RHBDL3: variants seen among roughly 807,000 people sequenced by gnomAD.
RHBDL3 encodes the protein rhomboid like 3.
RHBDL3 carries 28 observed loss-of-function variants against 48.2 expected under a neutral mutation model. The observed-to-expected ratio is 0.58, with a 90% confidence interval of 0.43 to 0.80. RHBDL3 has a LOEUF of 0.80. RHBDL3 is among the 30% of genes least tolerant of loss of function. The pLI is 0.00. For synonymous variants in RHBDL3, 208 were observed against 232.3 expected (o/e 0.90, Z 0.95); for missense variants, 464 against 542.7 (o/e 0.85, Z 1.44).
chr17:32,301,592 G>A lies in RHBDL3; in HGVS notation c.781+3388G>A, dbSNP rs372218328. On this transcript the variant is annotated intron_variant, in intron 6 of 8. Coordinates refer to ENST00000269051, the MANE Select transcript of RHBDL3 (RefSeq NM_138328.3). Reference sequence around the variant, plus strand: ...TCCCAGCACTTTGGGAGGCCGAGGCGAGCAGATCACATGAGATGGGGAGTT... The same window carrying A: ...TCCCAGCACTTTGGGAGGCCGAGGCAAGCAGATCACATGAGATGGGGAGTT... 7.9e-5 allele frequency among the ~76,000 whole-genome samples: 12 copies of A among 152,108 alleles called. No homozygotes were observed. In the East Asian group the frequency reaches 9.7e-4, roughly 12 times the overall value.
intron 8 of RHBDL3, among the ~76,000 whole-genome samples, chr17:32,318,238 A>G (rs796745251): frequency 3.3e-5 from 5 of 151,636 alleles, no homozygotes; most frequent in South Asian, 2.1e-4. Flanking sequence ...GCTTATGCCT[A>G]TAGTCCTAGC....
chr17:32,311,466 C>A (rs4795695), intron 7 of RHBDL3, among the ~76,000 whole-genome samples: 85,260 of 152,074 alleles, frequency 0.56, 24,738 homozygotes, highest in Non-Finnish European at 0.61. Flanking sequence ...GACAGACGGC[C>A]CAGGCACATG....
At chr17:32,306,541 T>G (rs1232108696) in intron 7 of RHBDL3, among the ~76,000 whole-genome samples, 1 of 152,230 alleles carries the variant, frequency 6.6e-6, no homozygotes, top group East Asian at 1.9e-4. Flanking sequence ...ACATGGTCTT[T>G]GGAGCCAGTC....
chr17:32,275,572 C>T (rs2039878555), intron 2 of RHBDL3, among the ~76,000 whole-genome samples: 1 of 152,156 alleles, frequency 6.6e-6, no homozygotes, highest in Admixed American at 6.5e-5. Flanking sequence ...GTTTCTTTCC[C>T]TCACTTCCCA....
intron 2 of RHBDL3, among the ~76,000 whole-genome samples, chr17:32,273,072 C>T (rs2039811278): frequency 6.6e-6 from 1 of 152,248 alleles, no homozygotes; most frequent in South Asian, 2.1e-4. Flanking sequence ...GCGATCTCAG[C>T]TTACCGCAAC....
chr17:32,310,228 C>T (rs1314838103), intron 7 of RHBDL3, among the ~76,000 whole-genome samples: 1 of 152,188 alleles, frequency 6.6e-6, no homozygotes, highest in Non-Finnish European at 1.5e-5. Flanking sequence ...AACTGAACCA[C>T]ATTGTCAAAG....
At position 32,283,382 on chromosome 17, in the gene RHBDL3, C is replaced by T. The variant is rs562137559; in HGVS notation, c.136-1277C>T. Among the ~76,000 whole-genome samples, 598 of 132,460 alleles carry T rather than the reference C, an allele frequency of 4.5e-3. 3 individuals carry two copies. Among genetic ancestry groups the T allele is most frequent in the Admixed American group, 6.9e-3 (76 of 11,046 alleles). 86.9% of individuals were successfully genotyped at this position (132,460 alleles called of 152,430 possible). A position where few individuals can be genotyped will look rare whatever the true frequency, so the allele number is the denominator to read the frequency against. On this transcript the variant is annotated intron_variant, in intron 2 of 8. Transcript: ENST00000269051. ...TGTTGCCCAGGCTGGAGTGCAGTGG[C>T]GTGATCTCAGCTCACTGCAAGCTCC...
intron 7 of RHBDL3, among the ~76,000 whole-genome samples, chr17:32,305,848 G>A (rs1021666283): frequency 3.3e-5 from 5 of 151,690 alleles, no homozygotes; most frequent in Non-Finnish European, 5.9e-5. Flanking sequence ...AACCCAGGAG[G>A]TGGAGCTTGC....
At chr17:32,271,235 C>T (rs951571118) in intron 2 of RHBDL3, among the ~76,000 whole-genome samples, 1 of 152,228 alleles carries the variant, frequency 6.6e-6, no homozygotes, top group Non-Finnish European at 1.5e-5. Flanking sequence ...ACTCCATCTG[C>T]ATCTGATTCC....
chr17:32,288,464 G>A, intron 3 of RHBDL3: 2 of 325,976 alleles, frequency 6.1e-6, no homozygotes, highest in South Asian at 4.8e-5. Flanking sequence ...ACAAATACGG[G>A]CTCTGGAGCC....
chr17:32,310,719 AT>A (rs60275101), intron 7 of RHBDL3, among the ~76,000 whole-genome samples: 41,175 of 99,952 alleles, frequency 0.41, 8,144 homozygotes, highest in Non-Finnish European at 0.47. Context: ...TCTAAAAAAA[AT>A]ATATATATAA....
intron 7 of RHBDL3, among the ~76,000 whole-genome samples, chr17:32,314,471 C>T (rs2040922013): frequency 1.3e-5 from 2 of 152,128 alleles, no homozygotes; most frequent in Non-Finnish European, 2.9e-5. Flanking sequence ...GCATGAGCCA[C>T]CGCGCCCAGC....
chr17:32,314,587 C>T (rs2040925423), intron 7 of RHBDL3, among the ~76,000 whole-genome samples: 1 of 152,122 alleles, frequency 6.6e-6, no homozygotes, highest in African/African-American at 2.4e-5. Context: ...GAGAGCCCTT[C>T]CCAGGGCTCC....
At position 32,304,547 on chromosome 17, in the gene RHBDL3, G is replaced by C. The variant is rs1162505573; in HGVS notation, c.782-794G>C. Among the ~76,000 whole-genome samples the C allele has an allele frequency of 1.3e-5, 2 of 152,306 alleles. 1 individual carries two copies. Among genetic ancestry groups the C allele is most frequent in the South Asian group, 4.1e-4 (2 of 4,826 alleles). ...TCATCTCAGGAATGAGGCTACTGGC[G>C]CCTGCCTCAGAGGGCTGTCTTGAGG... On this transcript the variant is annotated intron_variant, in intron 6 of 8. Coordinates refer to ENST00000269051, the MANE Select transcript of RHBDL3 (RefSeq NM_138328.3).
At chr17:32,266,697 G>T (rs2039640781) in intron 1 of RHBDL3, among the ~76,000 whole-genome samples, 1 of 152,204 alleles carries the variant, frequency 6.6e-6, no homozygotes, top group South Asian at 2.1e-4. Context: ...AGCGGACGCC[G>T]CAGAGTCCCC....
rs535496190 is a variant in RHBDL3, at chr17:32,269,118, C to T, written c.135+1193C>T. On this transcript the variant is annotated intron_variant, in intron 2 of 8. Transcript: ENST00000269051. ...ATCCCAACACTTTGGGAGGCTAAGG[C>T]GGGAGGATCACTTGAACCCAGTAGT... Among the ~76,000 whole-genome samples the T allele has an allele frequency of 2.0e-4, 31 of 152,164 alleles. No homozygotes were observed. In the South Asian group the frequency reaches 6.2e-3, roughly 31 times the overall value.
chr17:32,273,531 C>T (rs1567761355), intron 2 of RHBDL3, among the ~76,000 whole-genome samples: 1 of 152,190 alleles, frequency 6.6e-6, no homozygotes, highest in Admixed American at 6.5e-5. Context: ...TGGCAATGGG[C>T]AAGCCAGGTG....
At chr17:32,276,797 T>TTACTCCGGCCCTAGCACAG (rs2039918199) in intron 2 of RHBDL3, among the ~76,000 whole-genome samples, 1 of 48,056 alleles carries the variant, frequency 2.1e-5, no homozygotes, top group African/African-American at 3.0e-4. Context: ...CCCTAGCACC[T>TTACTCCGGCCCTAGCACAG]TACTCCGGCC....
intron 2 of RHBDL3, among the ~76,000 whole-genome samples, chr17:32,277,655 G>C (rs188526628): frequency 2.6e-5 from 4 of 152,210 alleles, no homozygotes; most frequent in African/African-American, 9.6e-5. Flanking sequence ...TCAGCTGCTC[G>C]GAGACCTATG....
Sources: gnomAD v4.1 joint callset for allele counts (sites outside exome capture counted in the v4.1 genomes callset) on GRCh38, gnomAD v4.1.1 for gene constraint, MANE v1.5 for transcripts, NCBI Gene and HGNC (gene_info 2026-07-23, HGNC 2026-07-21) for gene names.